The following DCC variants were observed in gnomAD, a reference collection of about 807,000 sequenced individuals.
DCC encodes netrin receptor DCC.
DCC carries 58 observed loss-of-function variants against 172.5 expected under a neutral mutation model. The observed-to-expected ratio is 0.34, with a 90% CI of 0.27 to 0.42. The LOEUF (loss-of-function observed/expected upper bound fraction) is 0.42, where lower values mean the gene tolerates loss of function less well. Ranked by LOEUF, DCC falls within the 10% of genes least tolerant of loss-of-function variation. The pLI is 1.00. For missense variants in DCC, 1,740 were observed against 1,791.0 expected (o/e 0.97, Z 0.51); for synonymous variants, 709 against 644.5 (o/e 1.10, Z -1.52).
At chr18:53,010,214 G>T (rs72930075) in intron 5 of DCC, among the ~76,000 whole-genome samples, 10 of 151,944 alleles carry the variant, frequency 6.6e-5, no homozygotes, top group Non-Finnish European at 1.0e-4. Flanking sequence ...TGTCATGATT[G>T]AAAATACTAA....
At chr18:53,323,693 G>A (rs1568056487) in intron 14 of DCC, among the ~76,000 whole-genome samples, 1 of 152,084 alleles carries the variant, frequency 6.6e-6, no homozygotes. Flanking sequence ...TTGGAAGGTT[G>A]GAAGGTTGGA....
intron 1 of DCC, among the ~76,000 whole-genome samples, chr18:52,566,947 A>C (rs2144750805): frequency 6.6e-6 from 1 of 152,308 alleles, no homozygotes; most frequent in Admixed American, 6.5e-5. Context: ...AGAATGCCTA[A>C]ACCCATGTAA....
At chr18:52,365,807 T>C (rs1028153039) in intron 1 of DCC, among the ~76,000 whole-genome samples, 2 of 152,200 alleles carry the variant, frequency 1.3e-5, no homozygotes, top group South Asian at 2.1e-4. Flanking sequence ...CTGAGGCAAC[T>C]GCTCAACTTT....
chr18:53,003,378 T>G (rs2041596161), intron 5 of DCC, among the ~76,000 whole-genome samples: 1 of 152,166 alleles, frequency 6.6e-6, no homozygotes, highest in African/African-American at 2.4e-5. Context: ...GGCCCTGGGG[T>G]CAGTGGCGGA....
intron 1 of DCC, among the ~76,000 whole-genome samples, chr18:52,547,263 G>T (rs193278607): frequency 8.6e-5 from 13 of 151,982 alleles, no homozygotes; most frequent in African/African-American, 3.1e-4. Context: ...TATTTTATTG[G>T]GACTTTTAAA....
chr18:52,775,055 G>A (rs74600925), intron 2 of DCC, among the ~76,000 whole-genome samples: 8,043 of 152,228 alleles, frequency 0.053, 289 homozygotes, highest in South Asian at 0.16. Context: ...CTTACCAGCA[G>A]GAAAAGGTGG....
At chr18:53,362,499 G>A (rs1310125182) in intron 15 of DCC, among the ~76,000 whole-genome samples, 1 of 152,116 alleles carries the variant, frequency 6.6e-6, no homozygotes, top group Admixed American at 6.6e-5. Flanking sequence ...TCCATCTGTC[G>A]AAGGAACATA....
At chr18:52,755,521 T>G (rs1347137480) in intron 2 of DCC, among the ~76,000 whole-genome samples, 1 of 152,212 alleles carries the variant, frequency 6.6e-6, no homozygotes, top group Non-Finnish European at 1.5e-5. Context: ...TTTTAAACAC[T>G]TACCATGCTG....
chr18:52,558,467 G>A (rs765384629), intron 1 of DCC, among the ~76,000 whole-genome samples: 2 of 152,078 alleles, frequency 1.3e-5, no homozygotes, highest in African/African-American at 4.8e-5. Flanking sequence ...ATTTATGGGT[G>A]AAAGATTACT....
intron 17 of DCC, among the ~76,000 whole-genome samples, chr18:53,396,737 A>G (rs1411415036): frequency 6.6e-6 from 1 of 152,216 alleles, no homozygotes; most frequent in African/African-American, 2.4e-5. Flanking sequence ...ACTCTAATCA[A>G]TTAACTTCGT....
At chr18:52,591,198 T>A (rs1248034012) in intron 1 of DCC, among the ~76,000 whole-genome samples, 1 of 152,174 alleles carries the variant, frequency 6.6e-6, no homozygotes, top group East Asian at 1.9e-4. Context: ...CTTCTGGACT[T>A]TGAGATTTTC....
chr18:52,374,263 A>T (rs374026911), intron 1 of DCC, among the ~76,000 whole-genome samples: 1 of 152,092 alleles, frequency 6.6e-6, no homozygotes. Flanking sequence ...GAGAGTGAAT[A>T]CACTTTCTCA....
chr18:52,967,273 C>T (rs771236397), intron 5 of DCC, among the ~76,000 whole-genome samples: 1 of 152,010 alleles, frequency 6.6e-6, no homozygotes, highest in African/African-American at 2.4e-5. Context: ...TTTCATGGAG[C>T]AAATCCAACC....
chr18:52,555,110 T>C (rs536712048), intron 1 of DCC, among the ~76,000 whole-genome samples: 12 of 152,010 alleles, frequency 7.9e-5, no homozygotes, highest in African/African-American at 2.9e-4. Context: ...GTCAGTAGAG[T>C]GTTGTGCTAG....
chr18:53,343,152 C>T (rs977077392), intron 15 of DCC, among the ~76,000 whole-genome samples: 6 of 151,670 alleles, frequency 4.0e-5, no homozygotes, highest in Admixed American at 2.0e-4. Flanking sequence ...ATCTCTGTCC[C>T]TTTTATTTCT....
intron 1 of DCC, among the ~76,000 whole-genome samples, chr18:52,374,451 G>T (rs1317814166): frequency 4.6e-5 from 7 of 151,946 alleles, no homozygotes; most frequent in Non-Finnish European, 7.4e-5. Flanking sequence ...GTATTGGGAA[G>T]GAACTAGGTA....
intron 1 of DCC, among the ~76,000 whole-genome samples, chr18:52,534,301 A>T (rs1362893074): frequency 2.6e-5 from 4 of 152,186 alleles, no homozygotes; most frequent in Non-Finnish European, 5.9e-5. Context: ...CTCACATATT[A>T]AATCAAGCAT....
At chr18:52,806,063 T>C (rs952710872) in intron 2 of DCC, among the ~76,000 whole-genome samples, 1 of 152,214 alleles carries the variant, frequency 6.6e-6, no homozygotes, top group African/African-American at 2.4e-5. Flanking sequence ...ACTGTTAACA[T>C]TGACACCAGT....
intron 15 of DCC, among the ~76,000 whole-genome samples, chr18:53,351,418 CACACTG>C (rs368472515): frequency 4.5e-3 from 86 of 19,192 alleles, no homozygotes; most frequent in East Asian, 0.012. Context: ...TATATATATA[CACACTG>C]TGTATATATA....
Sources: allele counts gnomAD v4.1 joint callset (sites outside exome capture counted in the v4.1 genomes callset), GRCh38; gene constraint gnomAD v4.1.1; transcripts MANE v1.5; gene names NCBI Gene and HGNC (gene_info 2026-07-23, HGNC 2026-07-21).